The following TNNI3K variants were observed in gnomAD, a reference collection of about 807,000 sequenced individuals.
TNNI3K encodes the protein serine/threonine-protein kinase TNNI3K.
A neutral mutation model predicts 114.5 loss-of-function variants in TNNI3K; 140 were observed. The observed-to-expected ratio is 1.22, with a 90% confidence interval of 1.07 to 1.41. TNNI3K has a LOEUF of 1.41. TNNI3K is among the 40% of genes most tolerant of loss of function. TNNI3K has a pLI of 0.00. For missense variants in TNNI3K, 1,125 were observed against 1,007.6 expected, an observed-to-expected ratio of 1.12 and a Z score of -1.58; for synonymous variants, 347 against 347.5, an observed-to-expected ratio of 1.00 and a Z score of 0.02.
intron 5 of TNNI3K, among the ~76,000 whole-genome samples, chr1:74,315,425 T>G (rs1473558414): frequency 6.6e-6 from 1 of 152,172 alleles, no homozygotes; most frequent in Non-Finnish European, 1.5e-5. Context: ...TGTATTTCAG[T>G]CAACCAATTA....
chr1:74,411,322 CA>C (rs1277929401), intron 17 of TNNI3K, among the ~76,000 whole-genome samples: 1 of 152,130 alleles, frequency 6.6e-6, no homozygotes, highest in Non-Finnish European at 1.5e-5. Context: ...AGTGCGGATA[CA>C]CTGAGATACA....
chr1:74,428,082 G>A (rs555636216), intron 17 of TNNI3K, among the ~76,000 whole-genome samples: 2 of 152,072 alleles, frequency 1.3e-5, no homozygotes, highest in South Asian at 2.1e-4. Context: ...CTACTGACAG[G>A]TTGAAGTTTG....
At chr1:74,264,642 CT>C (rs1557460120) in intron 4 of TNNI3K, among the ~76,000 whole-genome samples, 1 of 151,872 alleles carries the variant, frequency 6.6e-6, no homozygotes, top group Admixed American at 6.6e-5. Context: ...AGTTCAGCTC[CT>C]TCTTGGAGTT....
At chr1:74,348,564 A>G (rs537674492) in intron 9 of TNNI3K, among the ~76,000 whole-genome samples, 7 of 152,206 alleles carry the variant, frequency 4.6e-5, no homozygotes, top group East Asian at 1.9e-4. Flanking sequence ...TGGAGATACT[A>G]TTGAATCTAT....
chr1:74,499,515 A>G (rs1015697673), intron 23 of TNNI3K, among the ~76,000 whole-genome samples: 5 of 152,126 alleles, frequency 3.3e-5, no homozygotes, highest in African/African-American at 9.7e-5. Context: ...TGCCTAATTT[A>G]TAAGTTAAAT....
At chr1:74,341,493 A>G (rs532778039) in intron 7 of TNNI3K, 1 of 152,048 alleles carries the variant, frequency 6.6e-6, no homozygotes, top group Non-Finnish European at 1.5e-5. Context: ...AATGGCTAAT[A>G]CATAGTGATC....
At position 74,353,987 on chromosome 1, in the gene TNNI3K, C is replaced by T; in HGVS notation, c.1035C>T (p.His345=). Residue 345 remains histidine (H), a synonymous_variant, in exon 11 of 25, where the codon CAC becomes CAT. Transcript: ENST00000326637. ...AATTCTTTTCTATTACAGGATTACA[C>T]TCTGCTTGCTACCACGGTCACATTC... The part of the protein sequence containing the change: ...HQGRDGHTGL[H]SACYHGHIRL... 2 of 1,613,274 alleles carry T rather than the reference C, an allele frequency of 1.2e-6. No individual in the cohort carries two copies. The highest frequency in any genetic ancestry group is 2.2e-5 in the East Asian group (1 of 44,844).
Position 74,543,915 on chromosome 1 carries a change from C to G in TNNI3K, c.2441C>G (p.Ser814Cys), listed in dbSNP as rs267598715. Residue 814 changes from serine to cysteine, a missense_variant, in exon 25 of 25, where the codon TCC becomes TGC. Ser to Cys is a moderately radical substitution (Grantham distance 112, BLOSUM62 -1). Coordinates refer to ENST00000326637, the MANE Select transcript of TNNI3K (RefSeq NM_015978.3). ...TTCTTTTCTGATGCAGGCTATGTAT[C>G]CGATCCCATGAGCTCAATGCATTTT... ...YTPIDKYGYV[S>C]DPMSSMHFHS... The G allele has an allele frequency of 6.2e-7, 1 of 1,613,454 alleles. No homozygotes were observed. Among genetic ancestry groups the G allele is most frequent in the Non-Finnish European group, 8.5e-7 (1 of 1,179,752 alleles).
chr1:74,363,001 G>A (rs1410826539), intron 11 of TNNI3K, among the ~76,000 whole-genome samples: 2 of 152,056 alleles, frequency 1.3e-5, no homozygotes, highest in Non-Finnish European at 2.9e-5. Context: ...TTCTATTTTG[G>A]TAAAATGCTT....
intron 23 of TNNI3K, among the ~76,000 whole-genome samples, chr1:74,529,587 T>A (rs984504899): frequency 3.3e-5 from 5 of 152,216 alleles, no homozygotes; most frequent in Admixed American, 2.0e-4. Flanking sequence ...TGAGAGTAGA[T>A]GGAAGAATCA....
intron 23 of TNNI3K, among the ~76,000 whole-genome samples, chr1:74,533,505 G>A (rs1433883160): frequency 6.6e-6 from 1 of 152,102 alleles, no homozygotes; most frequent in African/African-American, 2.4e-5. Flanking sequence ...TCAGTGTGGT[G>A]ATTCCTCAGG....
chr1:74,353,313 A>G lies in TNNI3K; in HGVS notation c.980A>G (p.Asp327Gly), dbSNP rs1661480252. 1.9e-6 allele frequency: 3 copies of G among 1,613,330 alleles called. No homozygotes were observed. Among genetic ancestry groups the G allele is most frequent in the African/African-American group, 2.7e-5 (2 of 74,680 alleles). The change falls in exon 10 of 25, where the codon GAT becomes GGT. Residue 327 changes from aspartate (D) to glycine (G), a missense_variant. Transcript: ENST00000326637. ...KSIDLVKFLL[D>G]QNVININHQG... The stretch of plus-strand genomic sequence containing the variant: ...ATTGACCTAGTCAAATTTCTTCTTG[A>G]TCAGAATGTCATAAACATCAACCAC...
chr1:74,433,786 G>A (rs1666001200), intron 17 of TNNI3K, among the ~76,000 whole-genome samples: 1 of 152,030 alleles, frequency 6.6e-6, no homozygotes, highest in Non-Finnish European at 1.5e-5. Context: ...GCATAACTCT[G>A]ACTCAAGTTC....
At chr1:74,435,526 C>T (rs553035465) in intron 17 of TNNI3K, among the ~76,000 whole-genome samples, 1 of 152,130 alleles carries the variant, frequency 6.6e-6, no homozygotes, top group African/African-American at 2.4e-5. Context: ...CTATTCTCCT[C>T]AAAACCTTAA....
rs144739401 is a variant in TNNI3K at position 74,410,795 on chromosome 1, C to G, written c.1773-25285C>G. On this transcript the variant is annotated intron_variant, in intron 17 of 24. Coordinates refer to ENST00000326637, the MANE Select transcript of TNNI3K (RefSeq NM_015978.3). ...TATTCTTTGAAAGCCTAACTATGCTCTTATGGTGCTCTCAAAATCAGTGGT... is the reference window on the plus strand; with the variant it reads ...TATTCTTTGAAAGCCTAACTATGCTGTTATGGTGCTCTCAAAATCAGTGGT... Among the ~76,000 whole-genome samples the G allele has an allele frequency of 4.5e-3, 688 of 152,280 alleles. 6 individuals are homozygous for G. Among genetic ancestry groups the G allele is most frequent in the African/African-American group, 0.016 (657 of 41,562 alleles).
Position 74,453,680 on chromosome 1 carries a change from C to T in TNNI3K, c.2012-9761C>T, listed in dbSNP as rs185739013. On this transcript the variant is annotated intron_variant, in intron 20 of 24. Transcript: ENST00000326637. Reference sequence around the variant, plus strand: ...TTGCATCTCACATGTTCAAATTAACCTGTAATCTCAGGTTTAGGAAAACTG... The same window carrying T: ...TTGCATCTCACATGTTCAAATTAACTTGTAATCTCAGGTTTAGGAAAACTG... 3.9e-4 allele frequency among the ~76,000 whole-genome samples: 60 copies of T among 152,212 alleles called. 2 individuals carry two copies. Among genetic ancestry groups the T allele is most frequent in the African/African-American group, 1.3e-3 (55 of 41,542 alleles).
intron 20 of TNNI3K, among the ~76,000 whole-genome samples, chr1:74,454,622 T>G (rs548254703): frequency 2.0e-5 from 3 of 152,304 alleles, no homozygotes; most frequent in East Asian, 1.9e-4. Flanking sequence ...TATCTACTGA[T>G]GTACATTTAG....
intron 11 of TNNI3K, among the ~76,000 whole-genome samples, chr1:74,354,386 C>A (rs1192879874): frequency 6.6e-6 from 1 of 151,602 alleles, no homozygotes; most frequent in Non-Finnish European, 1.5e-5. Context: ...TTTCTAAGTA[C>A]CAGAGAAACA....
intron 23 of TNNI3K, among the ~76,000 whole-genome samples, chr1:74,507,466 A>G (rs1036331509): frequency 1.3e-5 from 2 of 152,168 alleles, no homozygotes; most frequent in Non-Finnish European, 2.9e-5. Context: ...ACACAGAGTA[A>G]GCTTCTTGAA....
Sources: gnomAD v4.1 joint callset for allele counts (sites outside exome capture counted in the v4.1 genomes callset) on GRCh38, gnomAD v4.1.1 for gene constraint, MANE v1.5 for transcripts, NCBI Gene and HGNC (gene_info 2026-07-23, HGNC 2026-07-21) for gene names.